HMGB1: variants seen among roughly 807,000 people sequenced by gnomAD.
The protein encoded by HMGB1 is high mobility group protein B1.
For missense variants in HMGB1, 79 were observed against 253.5 expected, an observed-to-expected ratio of 0.31 and a Z score of 4.67; for synonymous variants, 81 against 84.0, an observed-to-expected ratio of 0.96 and a Z score of 0.19.
At chr13:30,551,763 T>C (rs1169594156) in intron 1 of HMGB1, among the ~76,000 whole-genome samples, 1 of 152,070 alleles carries the variant, frequency 6.6e-6, no homozygotes, top group East Asian at 1.9e-4. Context: ...TGGAGTGCAG[T>C]GGTGCGATCA....
chr13:30,505,399 C>A (rs186428049), intron 1 of HMGB1, among the ~76,000 whole-genome samples: 1 of 151,018 alleles, frequency 6.6e-6, no homozygotes, highest in South Asian at 2.1e-4. Flanking sequence ...AGGATGGTCT[C>A]CATCTCCTGA....
intron 1 of HMGB1, among the ~76,000 whole-genome samples, chr13:30,527,791 T>G (rs1888401754): frequency 6.6e-6 from 1 of 152,060 alleles, no homozygotes; most frequent in African/African-American, 2.4e-5. Flanking sequence ...AAAATAACCT[T>G]CCCAAGGTCA....
intron 1 of HMGB1, among the ~76,000 whole-genome samples, chr13:30,525,569 T>C (rs1295044746): frequency 6.6e-6 from 1 of 152,144 alleles, no homozygotes; most frequent in Admixed American, 6.6e-5. Flanking sequence ...CTTAATTATG[T>C]AAAAAAATTC....
intron 1 of HMGB1, among the ~76,000 whole-genome samples, chr13:30,492,009 A>G (rs1401886782): frequency 2.0e-5 from 3 of 152,098 alleles, no homozygotes; most frequent in African/African-American, 7.2e-5. Flanking sequence ...TCTACTAAAC[A>G]TACAAAAAAT....
intron 1 of HMGB1, among the ~76,000 whole-genome samples, chr13:30,552,427 T>G (rs923065778): frequency 3.3e-5 from 5 of 152,200 alleles, no homozygotes; most frequent in Admixed American, 1.3e-4. Flanking sequence ...GATGCTCATA[T>G]TTCTCCTCAG....
intron 1 of HMGB1, among the ~76,000 whole-genome samples, chr13:30,592,688 T>G (rs1209569375): frequency 6.6e-6 from 1 of 151,790 alleles, no homozygotes; most frequent in Non-Finnish European, 1.5e-5. Context: ...TCAAAGCATC[T>G]TTCTTAAATC....
chr13:30,484,754 G>A (rs941282099), intron 1 of HMGB1, among the ~76,000 whole-genome samples: 2 of 144,644 alleles, frequency 1.4e-5, no homozygotes, highest in Non-Finnish European at 3.1e-5. Flanking sequence ...GGAGGAGTAG[G>A]AGGAAGAGGA....
chr13:30,526,828 CTT>C (rs1329548477), intron 1 of HMGB1, among the ~76,000 whole-genome samples: 1 of 152,256 alleles, frequency 6.6e-6, no homozygotes, highest in Non-Finnish European at 1.5e-5. Flanking sequence ...GTCTGTGTGT[CTT>C]TATTTCTCTT....
At chr13:30,595,944 A>G (rs1198284533) in intron 1 of HMGB1, among the ~76,000 whole-genome samples, 1 of 152,200 alleles carries the variant, frequency 6.6e-6, no homozygotes, top group Non-Finnish European at 1.5e-5. Context: ...AGTTAATCCT[A>G]TTTAGTCTGG....
At chr13:30,580,411 C>G (rs760831953) in intron 1 of HMGB1, among the ~76,000 whole-genome samples, 36 of 152,284 alleles carry the variant, frequency 2.4e-4, no homozygotes, top group African/African-American at 7.7e-4. Flanking sequence ...TTAGACATCC[C>G]AGGCTATCTG....
At chr13:30,538,762 T>C (rs539112929) in intron 1 of HMGB1, among the ~76,000 whole-genome samples, 23 of 148,886 alleles carry the variant, frequency 1.5e-4, no homozygotes, top group African/African-American at 4.2e-4. Flanking sequence ...TTTCTTTCTC[T>C]TTCTCTCTCT....
chr13:30,614,194 CTGAG>C (rs1223036527), intron 1 of HMGB1, among the ~76,000 whole-genome samples: 1 of 152,174 alleles, frequency 6.6e-6, no homozygotes, highest in Non-Finnish European at 1.5e-5. Flanking sequence ...CAGAAAATGA[CTGAG>C]TATCCTTTTG....
At chr13:30,608,757 T>C (rs1309011515) in intron 1 of HMGB1, among the ~76,000 whole-genome samples, 2 of 152,244 alleles carry the variant, frequency 1.3e-5, no homozygotes, top group Admixed American at 6.5e-5. Context: ...TTGCTCCAAA[T>C]CTCAGCTACC....
chr13:30,492,058 C>T (rs1887507910), intron 1 of HMGB1, among the ~76,000 whole-genome samples: 1 of 151,928 alleles, frequency 6.6e-6, no homozygotes, highest in African/African-American at 2.4e-5. Flanking sequence ...GTCCCAGCTA[C>T]TCGGGAGGCT....
chr13:30,498,507 G>A (rs1024725195), intron 1 of HMGB1, among the ~76,000 whole-genome samples: 1 of 151,864 alleles, frequency 6.6e-6, no homozygotes, highest in Non-Finnish European at 1.5e-5. Flanking sequence ...CCTTTGCAAG[G>A]TCTACATCAC....
rs555380563 is a variant in HMGB1 at position 30,494,920 on chromosome 13, G to A, written c.-14-31226C>T. ...TTCCACCGCATATAAGAGAAATCAT[G>A]CAGTATTTGTACTTCTGTGATTGGT... On this transcript the variant is annotated intron_variant, in intron 1 of 4. Coordinates refer to the HMGB1 transcript ENST00000405805. Among the ~76,000 whole-genome samples, 438 of 152,244 alleles carry A rather than the reference G, an allele frequency of 2.9e-3. 2 individuals are homozygous for A. The highest frequency in any genetic ancestry group is 5.1e-3 in the Non-Finnish European group (350 of 68,024).
intron 1 of HMGB1, among the ~76,000 whole-genome samples, chr13:30,548,631 T>TGG (rs1191981869): frequency 2.6e-5 from 4 of 152,354 alleles, no homozygotes; most frequent in Admixed American, 2.0e-4. Context: ...ATTCTTATGA[T>TGG]GGGAGCCCTT....
intron 1 of HMGB1, among the ~76,000 whole-genome samples, chr13:30,613,923 G>A (rs905365803): frequency 5.3e-5 from 8 of 151,396 alleles, no homozygotes; most frequent in African/African-American, 1.5e-4. Context: ...ATGTTCAAAA[G>A]GATAGGGTAG....
At chr13:30,477,759 T>G (rs1349765397) in intron 1 of HMGB1, among the ~76,000 whole-genome samples, 1 of 152,126 alleles carries the variant, frequency 6.6e-6, no homozygotes, top group Non-Finnish European at 1.5e-5. Context: ...CTAACTAAAA[T>G]CACAGGCTGG....
Sources: allele counts gnomAD v4.1 joint callset (sites outside exome capture counted in the v4.1 genomes callset), GRCh38; gene constraint gnomAD v4.1.1; transcripts MANE v1.5; gene names NCBI Gene and HGNC (gene_info 2026-07-23, HGNC 2026-07-21).